SH3TC2: variants seen among roughly 807,000 people sequenced by gnomAD.
The protein encoded by SH3TC2 is SH3 domain and tetratricopeptide repeats 2.
A neutral mutation model predicts 124.5 loss-of-function variants in SH3TC2; 87 were observed. The ratio of observed to expected loss-of-function variants is 0.70; its 90% CI spans 0.59 to 0.84. SH3TC2 has a LOEUF of 0.84. Ranked by LOEUF, SH3TC2 falls within the 40% of genes least tolerant of loss-of-function variation. SH3TC2 has a pLI of 0.00. For synonymous variants in SH3TC2, 634 were observed against 628.5 expected, an observed-to-expected ratio of 1.01 and a Z score of -0.13; for missense variants, 1,536 against 1,566.4, an observed-to-expected ratio of 0.98 and a Z score of 0.33.
chr5:149,028,894 G>A (rs1392753846), intron 9 of SH3TC2, among the ~76,000 whole-genome samples, 176 bp from the exon 10 acceptor site: 1 of 152,072 alleles, frequency 6.6e-6, no homozygotes, highest in Non-Finnish European at 1.5e-5. Flanking sequence ...GAGCTGTAGG[G>A]GCCTAATCAT....
chr5:149,026,425 G>A (rs1754063269), intron 12 of SH3TC2, 147 bp downstream of exon 12: 1 of 861,334 alleles, frequency 1.2e-6, no homozygotes, highest in East Asian at 2.4e-5. Context: ...AGTGATGGAT[G>A]CATTGTGGTG....
At chr5:149,033,791 C>T (rs79374685) in intron 8 of SH3TC2, among the ~76,000 whole-genome samples, 1,574 of 152,252 alleles carry the variant, frequency 0.01, 27 homozygotes, top group African/African-American at 0.036. Context: ...ATTTACACTA[C>T]CTGGTGTTGG....
rs1417345911 is a variant in SH3TC2, at chr5:149,004,045, T to G, written c.*666A>C. 1 of 191,458 alleles carries G rather than the reference T, an allele frequency of 5.2e-6. No homozygotes were observed. The highest frequency in any genetic ancestry group is 1.1e-5 in the Non-Finnish European group (1 of 90,690). 11.9% of individuals were successfully genotyped at this position (191,458 alleles called of 1,614,324 possible). A position where few individuals can be genotyped will look rare whatever the true frequency, so the allele number is the denominator to read the frequency against. ...CATTCAATTTCCAAGCCTTTGCTCT[T>G]GGAAAGCTTCCCTGGAGCTTCTGGG... On this transcript the variant is annotated 3_prime_UTR_variant, in exon 17 of 17. Coordinates refer to ENST00000515425, the MANE Select transcript of SH3TC2 (RefSeq NM_024577.4).
chr5:149,029,073 G>A (rs1159375527), intron 9 of SH3TC2, among the ~76,000 whole-genome samples: 1 of 152,178 alleles, frequency 6.6e-6, no homozygotes, highest in Non-Finnish European at 1.5e-5. Flanking sequence ...TCAGAGAGAT[G>A]CAGCTCCCAA....
Position 148,994,363 on chromosome 5 carries a change from G to A in SH3TC2, c.*10348C>T, listed in dbSNP as rs1367429846. On this transcript the variant is annotated 3_prime_UTR_variant, in exon 17 of 17. Coordinates refer to ENST00000515425, the MANE Select transcript of SH3TC2 (RefSeq NM_024577.4). ...TTAAGAGAAGTCAATGATATAATAA[G>A]AGTATAACCTTTAGTACAGTGTTTG... Among the ~76,000 whole-genome samples, 1 of 152,164 alleles carries A rather than the reference G, an allele frequency of 6.6e-6. No homozygotes were observed. The highest frequency in any genetic ancestry group is 1.5e-5 in the Non-Finnish European group (1 of 68,030).
intron 8 of SH3TC2, among the ~76,000 whole-genome samples, chr5:149,033,372 C>T (rs192893911): frequency 6.6e-6 from 1 of 152,306 alleles, no homozygotes; most frequent in Admixed American, 6.5e-5. Context: ...GGGCCACTCT[C>T]CCCCATATCT....
intron 1 of SH3TC2, among the ~76,000 whole-genome samples, chr5:149,052,476 T>G (rs989233794): frequency 6.6e-6 from 1 of 152,132 alleles, no homozygotes; most frequent in Non-Finnish European, 1.5e-5. Flanking sequence ...AAAAAGCAGA[T>G]CCCCATTCAC....
chr5:149,021,451 T>C (rs1753966903), intron 12 of SH3TC2, among the ~76,000 whole-genome samples: 1 of 150,656 alleles, frequency 6.6e-6, no homozygotes, highest in Non-Finnish European at 1.5e-5. Context: ...ATAAATGATA[T>C]AGAGAATAGA....
At chr5:149,006,393 C>G in intron 16 of SH3TC2, 3 of 188,922 alleles carry the variant, frequency 1.6e-5, no homozygotes, top group Non-Finnish European at 3.3e-5. Flanking sequence ...TGTTAATATG[C>G]ACCCACATTT....
chr5:149,046,134 AG>A (rs1754460502), intron 3 of SH3TC2: 1 of 174,570 alleles, frequency 5.7e-6, no homozygotes, highest in South Asian at 9.8e-5. Flanking sequence ...GGAAACTTAG[AG>A]GAAGAAGAAG....
intron 9 of SH3TC2, among the ~76,000 whole-genome samples, 158 bp from the exon 10 acceptor site, chr5:149,028,876 C>A (rs1478894527): frequency 1.3e-5 from 2 of 152,176 alleles, no homozygotes; most frequent in African/African-American, 4.8e-5. Context: ...TTTCACCCAT[C>A]ATCTTAAGAG....
chr5:149,022,857 A>G (rs1244034712), intron 12 of SH3TC2, among the ~76,000 whole-genome samples: 2 of 152,156 alleles, frequency 1.3e-5, no homozygotes, highest in Admixed American at 1.3e-4. Flanking sequence ...AGTGACAGAA[A>G]GTAGATTAGT....
In SH3TC2 at chr5:148,998,192, A is replaced by T. The variant is rs1753541741; in HGVS notation, c.*6519T>A. ...TCTATGTTGTTGCATATGCACAAAC[A>T]TATGCACACGAGGATAAACCATAAA... On this transcript the variant is annotated 3_prime_UTR_variant, in exon 17 of 17. Transcript: ENST00000515425. 6.6e-6 allele frequency among the ~76,000 whole-genome samples: 1 copy of T among 152,252 alleles called. No individual in the cohort carries two copies. The highest frequency in any genetic ancestry group is 6.5e-5 in the Admixed American group (1 of 15,280).
Position 148,982,996 on chromosome 5 carries a change from T to C in SH3TC2, c.*21715A>G, listed in dbSNP as rs901568181. Among the ~76,000 whole-genome samples the C allele has an allele frequency of 6.6e-6, 1 of 152,230 alleles. No homozygotes were observed. Among genetic ancestry groups the C allele is most frequent in the African/African-American group, 2.4e-5 (1 of 41,462 alleles). ...CCCAGCTCTGACATTGACATTGGCA[T>C]TGACATTGATGCTGATGTCAAGGTG... On this transcript the variant is annotated 3_prime_UTR_variant, in exon 17 of 17. Coordinates refer to ENST00000515425, the MANE Select transcript of SH3TC2 (RefSeq NM_024577.4).
chr5:149,025,399 T>C (rs529735995), intron 12 of SH3TC2, among the ~76,000 whole-genome samples: 2 of 152,322 alleles, frequency 1.3e-5, no homozygotes, highest in East Asian at 3.9e-4. Flanking sequence ...ACAGTTACCA[T>C]GTTGCTTAGA....
rs536826583 is a variant in SH3TC2 at position 148,986,227 on chromosome 5, G to GA, written c.*18483dup. Reference sequence around the variant, plus strand: ...CTGCAGGGTTTTTGTAAGAACAAGAGAAAAAAAATGTATCTGAAATCAGAA... The same window carrying GA: ...CTGCAGGGTTTTTGTAAGAACAAGAGAAAAAAAAATGTATCTGAAATCAGAA... On this transcript the variant is annotated 3_prime_UTR_variant, in exon 17 of 17. Transcript: ENST00000515425. 1.5e-4 allele frequency among the ~76,000 whole-genome samples: 22 copies of GA among 151,434 alleles called. 1 individual carries two copies. In the East Asian group the frequency reaches 4.1e-3, roughly 28 times the overall value.
At position 149,054,088 on chromosome 5, in the gene SH3TC2, G is replaced by A. The variant is rs182314659; in HGVS notation, c.53-1848C>T. On this transcript the variant is annotated intron_variant, in intron 1 of 16. Transcript: ENST00000515425. ...AAAAGAAAAGATAAATGTTTGAGGCGATGTGATTTACCCTGATGTGATTAT... is the reference window on the plus strand; with the variant it reads ...AAAAGAAAAGATAAATGTTTGAGGCAATGTGATTTACCCTGATGTGATTAT... Among the ~76,000 whole-genome samples, 530 of 152,164 alleles carry A rather than the reference G, an allele frequency of 3.5e-3. 5 individuals carry two copies. Among genetic ancestry groups the A allele is most frequent in the African/African-American group, 0.012 (490 of 41,534 alleles).
chr5:149,030,889 C>G (rs984180599), intron 9 of SH3TC2, among the ~76,000 whole-genome samples: 3 of 151,984 alleles, frequency 2.0e-5, no homozygotes, highest in Admixed American at 2.0e-4. Context: ...CAACAGTAGG[C>G]CTTTCTCAAA....
At chr5:149,016,856 C>T (rs905790253) in intron 12 of SH3TC2, among the ~76,000 whole-genome samples, 13 of 143,132 alleles carry the variant, frequency 9.1e-5, no homozygotes, top group African/African-American at 3.4e-4. Flanking sequence ...ACCCAGGAGG[C>T]GGAGGTTGCA....
Sources: gnomAD v4.1 joint callset for allele counts (sites outside exome capture counted in the v4.1 genomes callset) on GRCh38, gnomAD v4.1.1 for gene constraint, MANE v1.5 for transcripts, NCBI Gene and HGNC (gene_info 2026-07-23, HGNC 2026-07-21) for gene names.